Variants in CEP57L1 observed in about 807,000 individuals in gnomAD.
CEP57L1 encodes the protein centrosomal protein 57 like 1, also known as centrosomal protein CEP57L1.
A neutral mutation model predicts 61.0 loss-of-function variants in CEP57L1; 37 were observed. The observed-to-expected ratio is 0.61, with a 90% CI of 0.47 to 0.80. The LOEUF (loss-of-function observed/expected upper bound fraction) is 0.80, where lower values mean the gene tolerates loss of function less well. Among genes scored for constraint, CEP57L1 ranks in the 30% least tolerant of loss-of-function variants. CEP57L1 has a pLI of 0.00. For synonymous variants in CEP57L1, 137 were observed against 162.3 expected (o/e 0.84, Z 1.19); for missense variants, 422 against 524.7 (o/e 0.80, Z 1.91).
intron 7 of CEP57L1, chr6:109,157,011 G>A (rs1773284985): frequency 6.6e-6 from 1 of 152,028 alleles, no homozygotes; most frequent in African/African-American, 2.4e-5. Flanking sequence ...CAGTATGTAT[G>A]TTTTATGGCA....
chr6:109,134,038 G>A (rs924847654), intron 1 of CEP57L1, among the ~76,000 whole-genome samples: 8 of 152,144 alleles, frequency 5.3e-5, no homozygotes. Flanking sequence ...TAGAAAAACA[G>A]GGAATCCTCC....
chr6:109,160,770 G>A (rs1422779594), intron 10 of CEP57L1, 54 bp downstream of exon 10: 9 of 1,535,094 alleles, frequency 5.9e-6, no homozygotes, highest in Admixed American at 4.5e-5. Flanking sequence ...TCTGGATTCA[G>A]TGTTGTATCT....
intron 1 of CEP57L1, among the ~76,000 whole-genome samples, chr6:109,101,292 A>G (rs932417466): frequency 5.3e-5 from 8 of 152,202 alleles, no homozygotes. Context: ...ATCATGCAGT[A>G]TGTTGCCTTT....
Position 109,162,951 on chromosome 6 carries a change from A to G in CEP57L1, c.1364A>G (p.Asp455Gly). The change falls in exon 11 of 11, where the codon GAT becomes GGT. Residue 455 changes from aspartate to glycine, a missense_variant. Asp to Gly is a moderately conservative substitution (Grantham distance 94). Coordinates refer to ENST00000517392, the MANE Select transcript of CEP57L1 (RefSeq NM_001271852.3). ...HNLQMKLRRD[D>G]IMWEQ ...CTTCAAATGAAATTGAGAAGAGATG[A>G]TATCATGTGGGAACAGTAACAAAAC... 1.9e-6 allele frequency: 3 copies of G among 1,610,972 alleles called. No individual in the cohort carries two copies. Among genetic ancestry groups the G allele is most frequent in the South Asian group, 2.2e-5 (2 of 90,980 alleles).
intron 1 of CEP57L1, among the ~76,000 whole-genome samples, chr6:109,110,563 C>T (rs1236764716): frequency 6.6e-6 from 1 of 152,116 alleles, no homozygotes; most frequent in Non-Finnish European, 1.5e-5. Flanking sequence ...GCTTTTGTTG[C>T]CATTGCTTTT....
At chr6:109,117,955 T>C (rs748352379) in intron 1 of CEP57L1, among the ~76,000 whole-genome samples, 32 of 152,172 alleles carry the variant, frequency 2.1e-4, no homozygotes, top group Non-Finnish European at 3.8e-4. Context: ...AATAAGCACA[T>C]TGGAAACGGA....
chr6:109,148,752 C>G (rs551263775), intron 3 of CEP57L1, among the ~76,000 whole-genome samples: 2 of 152,270 alleles, frequency 1.3e-5, no homozygotes, highest in East Asian at 3.9e-4. Flanking sequence ...AAAAGTGTTC[C>G]TATTTCTCCA....
At chr6:109,103,618 T>G (rs1006549812) in intron 1 of CEP57L1, among the ~76,000 whole-genome samples, 6 of 152,190 alleles carry the variant, frequency 3.9e-5, no homozygotes, top group Non-Finnish European at 8.8e-5. Flanking sequence ...CAGTATTTTC[T>G]CCAGTTTTTC....
intron 3 of CEP57L1, among the ~76,000 whole-genome samples, chr6:109,148,388 G>A (rs1363447149): frequency 2.0e-5 from 3 of 151,958 alleles, no homozygotes; most frequent in South Asian, 4.1e-4. Flanking sequence ...TTGTCCTTGC[G>A]ATAGTTTACT....
intron 1 of CEP57L1, among the ~76,000 whole-genome samples, chr6:109,111,270 T>C (rs922262746): frequency 1.3e-5 from 2 of 152,180 alleles, no homozygotes; most frequent in Non-Finnish European, 2.9e-5. Context: ...TCCTAGGTAT[T>C]TTTTTCTTTT....
At chr6:109,161,212 C>G (rs1346504269) in intron 10 of CEP57L1, among the ~76,000 whole-genome samples, 1 of 152,088 alleles carries the variant, frequency 6.6e-6, no homozygotes, top group African/African-American at 2.4e-5. Flanking sequence ...ACTCAGCTAG[C>G]TATAGTGAGT....
At chr6:109,148,038 A>C (rs1272410798) in intron 3 of CEP57L1, among the ~76,000 whole-genome samples, 2 of 152,172 alleles carry the variant, frequency 1.3e-5, no homozygotes, top group Non-Finnish European at 2.9e-5. Context: ...CACATAGTAC[A>C]TTTCTTGTGA....
rs573024481 is a variant in CEP57L1, at chr6:109,167,681, C to CAA, written c.*4721_*4722dup. On this transcript the variant is annotated 3_prime_UTR_variant, in exon 11 of 11. Transcript: ENST00000517392. The stretch of plus-strand genomic sequence containing the variant: ...AACAGAGCAAGACTCTGCCTCAAAG[C>CAA]AAAAAAAAAAAGAAAAGAAAAGAAA... Among the ~76,000 whole-genome samples the CAA allele has an allele frequency of 8.0e-3, 1,016 of 127,122 alleles. 12 individuals carry two copies. The highest frequency in any genetic ancestry group is 0.029 in the African/African-American group (975 of 33,692). 83.4% of individuals were successfully genotyped at this position (127,122 alleles called of 152,430 possible). A position where few individuals can be genotyped will look rare whatever the true frequency, so the allele number is the denominator to read the frequency against.
chr6:109,108,645 C>T (rs1771213958), intron 1 of CEP57L1, among the ~76,000 whole-genome samples: 1 of 152,110 alleles, frequency 6.6e-6, no homozygotes, highest in African/African-American at 2.4e-5. Context: ...ATACGAGAGA[C>T]AAATTCTATT....
At position 109,172,763 on chromosome 6, in the gene CEP57L1, G is replaced by A. The variant is rs142131506; in HGVS notation, c.*9793G>A. Among the ~76,000 whole-genome samples, 1 of 152,292 alleles carries A rather than the reference G, an allele frequency of 6.6e-6. No individual in the cohort carries two copies. Among genetic ancestry groups the A allele is most frequent in the Non-Finnish European group, 1.5e-5 (1 of 68,028 alleles). On this transcript the variant is annotated 3_prime_UTR_variant, in exon 11 of 11. Transcript: ENST00000517392. ...TGATGACTAGTTTTATTATGTGAGTGTGATAAAAGGTTACGCTTAGTATAC... is the reference window on the plus strand; with the variant it reads ...TGATGACTAGTTTTATTATGTGAGTATGATAAAAGGTTACGCTTAGTATAC...
Position 109,159,432 on chromosome 6 carries a change from C to T in CEP57L1, c.986C>T (p.Ala329Val), listed in dbSNP as rs747740914. 11 of 1,613,498 alleles carry T rather than the reference C, an allele frequency of 6.8e-6. No individual in the cohort carries two copies. In the South Asian group the frequency reaches 9.9e-5, roughly 14 times the overall value. ...ICDNLSELLM[A>V]MQDELDQMSM... is the part of the protein sequence containing the mutation. ...GACAATTTATCTGAACTTTTGATGG[C>T]AATGCAAGATGAGCTGGACCAAATG... Residue 329 changes from alanine (A) to valine (V), a missense_variant, in exon 9 of 11, where the codon GCA becomes GTA. Physicochemically the swap from Ala to Val is moderately conservative, Grantham distance 64. Transcript: ENST00000517392.
At chr6:109,154,893 C>T (rs973012967) in intron 5 of CEP57L1, among the ~76,000 whole-genome samples, 3 of 151,920 alleles carry the variant, frequency 2.0e-5, no homozygotes. Flanking sequence ...CGTTGAGACC[C>T]AAGACTATAA....
At position 109,159,086 on chromosome 6, in the gene CEP57L1, CT is replaced by C. The variant is rs531772922; in HGVS notation, c.810del (p.Phe270LeufsTer6). The C allele has an allele frequency of 2.5e-4, 399 of 1,613,960 alleles. 3 individuals carry two copies. In the South Asian group the frequency reaches 4.1e-3, roughly 17 times the overall value. On this transcript the variant is annotated frameshift_variant, in exon 8 of 11. Transcript: ENST00000517392. LOFTEE classifies it high-confidence loss of function. ...WQICSKFGAL[P>X]FVAEKMRQHR... Reference sequence around the variant, plus strand: ...ATTTGTTCAAAGTTTGGAGCACTGCCTTTTGTGGCTGAAAAGGTGAGAGGGG... The same window carrying C: ...ATTTGTTCAAAGTTTGGAGCACTGCCTTTGTGGCTGAAAAGGTGAGAGGGG...
intron 1 of CEP57L1, among the ~76,000 whole-genome samples, chr6:109,144,383 A>C (rs1771742067): frequency 6.6e-6 from 1 of 152,228 alleles, no homozygotes; most frequent in Admixed American, 6.5e-5. Flanking sequence ...TTCTTGCTTA[A>C]AATTCTTCCA....
Sources: gnomAD v4.1 joint callset for allele counts (sites outside exome capture counted in the v4.1 genomes callset) on GRCh38, gnomAD v4.1.1 for gene constraint, MANE v1.5 for transcripts, NCBI Gene and HGNC (gene_info 2026-07-23, HGNC 2026-07-21) for gene names.